The following ANK3 variants were observed in gnomAD, a reference collection of about 807,000 sequenced individuals.
ANK3 encodes ankyrin-3.
Under a neutral mutation model 370.9 loss-of-function variants are expected in ANK3, and 57 were observed. The ratio of observed to expected loss-of-function variants is 0.15; its 90% CI spans 0.12 to 0.19. The LOEUF is 0.19. Among genes scored for constraint, ANK3 ranks in the 10% least tolerant of loss-of-function variants. The pLI is 1.00. For synonymous variants in ANK3, 1,929 were observed against 1,946.3 expected (o/e 0.99, Z 0.23); for missense variants, 4,439 against 5,302.1 (o/e 0.84, Z 5.06).
chr10:60,129,467 G>C (rs923566174), intron 25 of ANK3, among the ~76,000 whole-genome samples: 5 of 151,980 alleles, frequency 3.3e-5, no homozygotes, highest in African/African-American at 1.2e-4. Context: ...AAGTTCTCCA[G>C]GTGGCCGGGC....
intron 1 of ANK3, among the ~76,000 whole-genome samples, chr10:60,694,307 C>T (rs2079407870): frequency 1.3e-5 from 2 of 152,130 alleles, no homozygotes; most frequent in African/African-American, 4.8e-5. Context: ...AGAATGGAAC[C>T]AAGTTGGAAA....
At chr10:60,153,347 G>A (rs1162408817) in intron 23 of ANK3, among the ~76,000 whole-genome samples, 4 of 152,206 alleles carry the variant, frequency 2.6e-5, no homozygotes, top group African/African-American at 9.7e-5. Flanking sequence ...TTCCATGTGA[G>A]AGATGTGGTG....
chr10:60,529,026 G>A (rs2076543225), intron 2 of ANK3, among the ~76,000 whole-genome samples: 4 of 152,046 alleles, frequency 2.6e-5, no homozygotes, highest in African/African-American at 9.7e-5. Flanking sequence ...TTAAAGATAT[G>A]ATGGGTTCAC....
At position 60,173,018 on chromosome 10, in the gene ANK3, G is replaced by A. The variant is rs147957050; in HGVS notation, c.2284-20C>T. ...CCCATTCTGTAGAAGGAAGATGGAA[G>A]AGATGATTCTTAATTCCTTTGAAGC... On this transcript the variant is annotated intron_variant, in intron 19 of 43. Transcript: ENST00000280772. The A allele has an allele frequency of 1.2e-6, 2 of 1,607,806 alleles. No homozygotes were observed. Among genetic ancestry groups the A allele is most frequent in the Non-Finnish European group, 1.7e-6 (2 of 1,174,410 alleles).
rs773759951 is a variant in ANK3, at chr10:60,200,140, C to A, written c.1480G>T (p.Ala494Ser). The A allele has an allele frequency of 6.2e-7, 1 of 1,614,010 alleles. No individual in the cohort carries two copies. Among genetic ancestry groups the A allele is most frequent in the Non-Finnish European group, 8.5e-7 (1 of 1,179,884 alleles). Residue 494 changes from alanine to serine, a missense_variant, in exon 13 of 44, where the codon GCT (alanine) becomes TCT (serine). Transcript: ENST00000280772. ...YLVQDGAQVEAKAKDDQTPLH... is the reference protein window; with the variant it reads ...YLVQDGAQVESKAKDDQTPLH... ...AGTATTGCGCATACCTTAGCTTTAG[C>A]TTCTACCTGAGCTCCGTCTTGTACC...
chr10:60,256,912 T>C (rs1237833403), intron 7 of ANK3, among the ~76,000 whole-genome samples: 1 of 152,256 alleles, frequency 6.6e-6, no homozygotes, highest in Non-Finnish European at 1.5e-5. Flanking sequence ...TTTGCTATCA[T>C]AAATAGTGCT....
intron 2 of ANK3, among the ~76,000 whole-genome samples, chr10:60,517,919 T>G (rs2076260192): frequency 6.6e-6 from 1 of 152,046 alleles, no homozygotes; most frequent in African/African-American, 2.4e-5. Flanking sequence ...TGGCTAGCTG[T>G]GCAAACTCAG....
intron 7 of ANK3, among the ~76,000 whole-genome samples, chr10:60,258,386 T>G (rs2097764733): frequency 6.6e-6 from 1 of 152,198 alleles, no homozygotes; most frequent in African/African-American, 2.4e-5. Flanking sequence ...TACATATACC[T>G]AGTAAAATTA....
At chr10:60,441,197 C>T (rs1261158488) in intron 2 of ANK3, among the ~76,000 whole-genome samples, 1 of 152,072 alleles carries the variant, frequency 6.6e-6, no homozygotes, top group Non-Finnish European at 1.5e-5. Flanking sequence ...CCTCTTGCAT[C>T]GTTCAGATTT....
At chr10:60,279,447 A>C in intron 2 of ANK3, 91 bp downstream of exon 2, 1 of 1,044,126 alleles carries the variant, frequency 9.6e-7, no homozygotes, top group Non-Finnish European at 1.4e-6. Flanking sequence ...TCAATGGAAA[A>C]AAACCCCACA....
At chr10:60,483,099 T>G (rs145673731) in intron 2 of ANK3, among the ~76,000 whole-genome samples, 5 of 152,306 alleles carry the variant, frequency 3.3e-5, no homozygotes, top group African/African-American at 1.2e-4. Context: ...GTATTTTTTA[T>G]CTGAATAGTG....
intron 2 of ANK3, among the ~76,000 whole-genome samples, chr10:60,549,958 G>A (rs1168153605): frequency 2.0e-5 from 3 of 152,118 alleles, no homozygotes; most frequent in Admixed American, 2.0e-4. Flanking sequence ...AAGAAGAGTA[G>A]AAGACATGGA....
intron 23 of ANK3, among the ~76,000 whole-genome samples, chr10:60,155,485 A>C (rs552192277): frequency 1.3e-5 from 2 of 152,318 alleles, no homozygotes; most frequent in African/African-American, 4.8e-5. Flanking sequence ...GAATAAATTT[A>C]GGTAGCAATC....
intron 1 of ANK3, among the ~76,000 whole-genome samples, chr10:60,348,098 T>C (rs1413973112): frequency 6.6e-6 from 1 of 152,058 alleles, no homozygotes; most frequent in Non-Finnish European, 1.5e-5. Context: ...TTTAGGGCCT[T>C]ATATTCTCTC....
intron 2 of ANK3, among the ~76,000 whole-genome samples, chr10:60,570,149 G>A (rs745521305): frequency 6.1e-4 from 93 of 152,244 alleles, no homozygotes; most frequent in Non-Finnish European, 1.0e-3. Flanking sequence ...AAAATTCTTA[G>A]TAAACTCTGA....
intron 16 of ANK3, among the ~76,000 whole-genome samples, chr10:60,187,664 T>TA (rs2096379074): frequency 6.6e-6 from 1 of 152,180 alleles, no homozygotes; most frequent in African/African-American, 2.4e-5. Flanking sequence ...AAAATACCTT[T>TA]AATTGCCATC....
At position 60,071,396 on chromosome 10, in the gene ANK3, G is replaced by C. The variant is rs1415497030; in HGVS notation, c.9485C>G (p.Ser3162Cys). Residue 3162 changes from serine to cysteine, a missense_variant, in exon 37 of 44, where the codon TCT becomes TGT. Ser to Cys is a moderately radical substitution (Grantham distance 112, BLOSUM62 -1). This residue lies in a region of ANK3 where 1,601 missense variants were observed against 1,731.7 expected (regional missense o/e 0.92). Coordinates refer to ENST00000280772, the MANE Select transcript of ANK3 (RefSeq NM_020987.5). ...TLEQVSFLDS[S>C]GKSPLTPETP... ...TTCTGGGGTTAAAGGGCTTTTCCCA[G>C]AGCTGTCTAGAAAGGATACTTGCTC... is the stretch of plus-strand genomic sequence containing the variant. The C allele has an allele frequency of 3.1e-6, 5 of 1,613,984 alleles. No individual in the cohort carries two copies. The highest frequency in any genetic ancestry group is 2.2e-5 in the East Asian group (1 of 44,898).
intron 2 of ANK3, among the ~76,000 whole-genome samples, chr10:60,498,266 T>C (rs1361845424): frequency 6.6e-6 from 1 of 152,220 alleles, no homozygotes; most frequent in Non-Finnish European, 1.5e-5. Context: ...AACCCTCCAA[T>C]TTACAGAGCA....
chr10:60,068,056 G>A (rs991215055), intron 37 of ANK3, 47 bp from the exon 38 acceptor site: 9 of 1,554,826 alleles, frequency 5.8e-6, no homozygotes, highest in African/African-American at 4.1e-5. Context: ...AGAAAGATAC[G>A]ATACTGGAAA....
Sources: gnomAD v4.1 joint callset for allele counts (sites outside exome capture counted in the v4.1 genomes callset) on GRCh38, gnomAD v4.1.1 for gene constraint, gnomAD v4.1.1 regional missense constraint, MANE v1.5 for transcripts, NCBI Gene and HGNC (gene_info 2026-07-23, HGNC 2026-07-21) for gene names.